Variants in USP24 observed in about 807,000 individuals in gnomAD.
The protein encoded by USP24 is ubiquitin specific peptidase 24.
USP24 carries 97 observed loss-of-function variants against 361.6 expected under a neutral mutation model. That is an observed-to-expected ratio of 0.27 (90% confidence interval 0.23 to 0.32). USP24 has a LOEUF of 0.32. USP24 is among the 10% of genes least tolerant of loss of function. The pLI, the probability that USP24 is intolerant of heterozygous loss-of-function variation, is 1.00. For missense variants in USP24, 2,353 were observed against 3,165.6 expected (o/e 0.74, Z 6.16); for synonymous variants, 1,098 against 1,124.6 (o/e 0.98, Z 0.47).
rs763184132 is a variant in USP24 at position 55,097,017 on chromosome 1, G to A, written c.5871C>T (p.Val1957=). 14 of 1,613,736 alleles carry A rather than the reference G, an allele frequency of 8.7e-6. No homozygotes were observed. In the South Asian group the frequency reaches 8.8e-5, roughly 10 times the overall value. ...CCTGCCCACTGTGTACGATGACACC[G>A]ACAAGTTCATAGTTTTCTGTGAGGG... ...KVALTENYEL[V]GVIVHSGQAH... is the part of the protein sequence containing the mutation. Residue 1957 remains valine, a synonymous_variant, in exon 49 of 68, where the codon GTC becomes GTT. Transcript: ENST00000294383.
At chr1:55,089,989 A>C (rs1645339666) in intron 54 of USP24, among the ~76,000 whole-genome samples, 1 of 152,198 alleles carries the variant, frequency 6.6e-6, no homozygotes, top group African/African-American at 2.4e-5. Context: ...CAAACAAAAA[A>C]GTGTAAAGAA....
At chr1:55,083,030 C>T (rs568250657) in intron 58 of USP24, among the ~76,000 whole-genome samples, 1 of 152,064 alleles carries the variant, frequency 6.6e-6, no homozygotes, top group African/African-American at 2.4e-5. Context: ...GAAACCCCCT[C>T]CCCAGTCAGA....
intron 1 of USP24, among the ~76,000 whole-genome samples, chr1:55,209,264 T>C (rs914815960): frequency 1.3e-5 from 2 of 151,372 alleles, no homozygotes; most frequent in Non-Finnish European, 2.9e-5. Flanking sequence ...CAACTTCTTC[T>C]TTTTTTTTCT....
intron 40 of USP24, 90 bp downstream of exon 40, chr1:55,107,149 G>C (rs766573558): frequency 7.0e-7 from 1 of 1,421,750 alleles, no homozygotes; most frequent in Non-Finnish European, 9.4e-7. Context: ...GGAACACTTG[G>C]CATCTATCTT....
chr1:55,079,477 C>T (rs181963690), intron 60 of USP24, 61 bp downstream of exon 60: 9 of 1,547,150 alleles, frequency 5.8e-6, no homozygotes, highest in Non-Finnish European at 6.9e-6. Context: ...TAACTCGTAA[C>T]AAAAAGCAAT....
intron 24 of USP24, among the ~76,000 whole-genome samples, chr1:55,141,280 A>G (rs944539082): frequency 2.6e-5 from 4 of 152,220 alleles, no homozygotes; most frequent in African/African-American, 9.6e-5. Flanking sequence ...ATGTATGTGT[A>G]TTGCATTCTA....
intron 28 of USP24, among the ~76,000 whole-genome samples, chr1:55,135,953 C>G (rs1452333511): frequency 1.3e-5 from 2 of 152,158 alleles, no homozygotes; most frequent in Admixed American, 6.5e-5. Flanking sequence ...GAGTACCTAT[C>G]ATGTTCTAGG....
Position 55,092,054 on chromosome 1 carries a change from G to T in USP24, c.6523C>A (p.Gln2175Lys). ...TTCTTCTTTGTCCGTAGATAAGTTT[G>T]AAAAAGGAATTGAATAGCAAGCTGT... ...SLQLAIQFLF[Q>K]TYLRTKKKLR... The change falls in exon 54 of 68, where the codon CAA (glutamine) becomes AAA (lysine). Residue 2175 changes from glutamine to lysine, a missense_variant. Around this residue, in one of 8 missense-constraint regions of USP24, gnomAD observed 598 missense variants for 761.9 expected, o/e 0.78. Coordinates refer to ENST00000294383, the MANE Select transcript of USP24 (RefSeq NM_015306.3). 2 of 1,611,744 alleles carry T rather than the reference G, an allele frequency of 1.2e-6. No individual in the cohort carries two copies. The highest frequency in any genetic ancestry group is 2.2e-5 in the South Asian group (2 of 90,492).
Position 55,131,148 on chromosome 1 carries a change from T to C in USP24, c.3537+1397A>G, listed in dbSNP as rs1646580780. Reference sequence around the variant, plus strand: ...AAACAAATGACAGATCTGGCAGGAATCACAAGATGCAAATTCTTTAGGCTT... The same window carrying C: ...AAACAAATGACAGATCTGGCAGGAACCACAAGATGCAAATTCTTTAGGCTT... On this transcript the variant is annotated intron_variant, in intron 31 of 67. Coordinates refer to ENST00000294383, the MANE Select transcript of USP24 (RefSeq NM_015306.3). 2.0e-5 allele frequency among the ~76,000 whole-genome samples: 3 copies of C among 152,276 alleles called. No individual in the cohort carries two copies. The South Asian group carries it at 6.2e-4, about 32-fold the overall frequency.
At chr1:55,178,163 A>G in intron 1 of USP24, 31 bp from the exon 2 acceptor site, 2 of 1,436,326 alleles carry the variant, frequency 1.4e-6, no homozygotes, top group Non-Finnish European at 1.8e-6. Context: ...TAAAAAGCAA[A>G]TAAAACTAAT....
chr1:55,095,385 T>A lies in USP24; in HGVS notation c.6073A>T (p.Thr2025Ser), dbSNP rs773933761. The A allele has an allele frequency of 6.2e-7, 1 of 1,609,706 alleles. No individual in the cohort carries two copies. The highest frequency in any genetic ancestry group is 2.2e-5 in the East Asian group (1 of 44,818). ...PKVYDQTNPY[T>S]DVRRRYWNAY... ...TTCCAGTATCTTCGGCGCACATCAG[T>A]GTATGGGTTTGCTTTATAACAAGAC... is the stretch of plus-strand genomic sequence containing the variant. The change falls in exon 51 of 68, where the codon ACT becomes TCT. Residue 2025 changes from threonine to serine, a missense_variant. Thr to Ser is a moderately conservative substitution (Grantham distance 58). Coordinates refer to ENST00000294383, the MANE Select transcript of USP24 (RefSeq NM_015306.3).
At chr1:55,073,692 T>TTCCAAGCAAG (rs777041309) in intron 64 of USP24, 136 bp downstream of exon 64, 18 of 780,872 alleles carry the variant, frequency 2.3e-5, no homozygotes, top group Non-Finnish European at 2.8e-5. Flanking sequence ...AATAGGTTTC[T>TTCCAAGCAAG]GTACCTTCCA....
In USP24 at chr1:55,097,035, T is replaced by C. The variant is rs371690273; in HGVS notation, c.5853A>G (p.Thr1951=). 4.1e-5 allele frequency: 66 copies of C among 1,613,846 alleles called. No individual in the cohort carries two copies. Among genetic ancestry groups the C allele is most frequent in the Non-Finnish European group, 5.4e-5 (64 of 1,179,884 alleles). ...GGSPRKKVAL[T]ENYELVGVIV... ...TGACACCGACAAGTTCATAGTTTTC[T>C]GTGAGGGCAACCTTTTTTCGTGGGG... Residue 1951 remains threonine, a synonymous_variant, in exon 49 of 68, where the codon ACA becomes ACG. Coordinates refer to ENST00000294383, the MANE Select transcript of USP24 (RefSeq NM_015306.3).
At position 55,147,010 on chromosome 1, in the gene USP24, A is replaced by C; in HGVS notation, c.2169T>G (p.Thr723=). 1.3e-6 allele frequency: 2 copies of C among 1,597,542 alleles called. No individual in the cohort carries two copies. Among genetic ancestry groups the C allele is most frequent in the Non-Finnish European group, 1.7e-6 (2 of 1,174,172 alleles). Residue 723 remains threonine, a synonymous_variant, in exon 19 of 68, where the codon ACT becomes ACG. Transcript: ENST00000294383. ...TGGCACGATTCCAGCCCAGATACAGAGTAGCTTCTTGCAAGAAAAACGCTA... is the reference window on the plus strand; with the variant it reads ...TGGCACGATTCCAGCCCAGATACAGCGTAGCTTCTTGCAAGAAAAACGCTA... ...KFLAFFLQEA[T]LYLGWNRAKE... is the part of the protein sequence containing the mutation.
intron 35 of USP24, 82 bp downstream of exon 35, chr1:55,124,387 T>A (rs997625485): frequency 8.7e-6 from 13 of 1,489,252 alleles, no homozygotes; most frequent in Non-Finnish European, 9.0e-7. Flanking sequence ...CCCATTTTTG[T>A]GACTCTGGCA....
At chr1:55,204,315 C>T (rs1390086746) in intron 1 of USP24, among the ~76,000 whole-genome samples, 1 of 150,196 alleles carries the variant, frequency 6.7e-6, no homozygotes, top group African/African-American at 2.5e-5. Flanking sequence ...AACTGATACA[C>T]TTACGCTTTT....
chr1:55,164,056 G>GA (rs1648569749), intron 7 of USP24, among the ~76,000 whole-genome samples: 2 of 151,940 alleles, frequency 1.3e-5, no homozygotes, highest in South Asian at 4.1e-4. Flanking sequence ...CAAAAACATA[G>GA]AAATAATCCA....
intron 1 of USP24, among the ~76,000 whole-genome samples, chr1:55,182,200 T>A (rs530972031): frequency 6.6e-6 from 1 of 152,168 alleles, no homozygotes; most frequent in Non-Finnish European, 1.5e-5. Context: ...TATAGGCATG[T>A]GCCACCACGC....
In USP24 at chr1:55,107,303, C is replaced by T. The variant is rs1392375194; in HGVS notation, c.4698G>A (p.Leu1566=). Residue 1566 remains leucine, a synonymous_variant, in exon 40 of 68, where the codon CTG becomes CTA. Coordinates refer to ENST00000294383, the MANE Select transcript of USP24 (RefSeq NM_015306.3). ...CETSEADNIL[L]AGHLRLIKTL... ...TCTTGATGAGGCGTAAGTGCCCTGCCAGTAAGATGTTGTCCGCTTCACTGG... is the reference window on the plus strand; with the variant it reads ...TCTTGATGAGGCGTAAGTGCCCTGCTAGTAAGATGTTGTCCGCTTCACTGG... The T allele has an allele frequency of 7.4e-6, 12 of 1,613,830 alleles. No individual in the cohort carries two copies. The highest frequency in any genetic ancestry group is 1.7e-5 in the Admixed American group (1 of 59,996).
Sources: gnomAD v4.1 joint callset for allele counts (sites outside exome capture counted in the v4.1 genomes callset) on GRCh38, gnomAD v4.1.1 for gene constraint, gnomAD v4.1.1 regional missense constraint, MANE v1.5 for transcripts, NCBI Gene and HGNC (gene_info 2026-07-23, HGNC 2026-07-21) for gene names.